MCPH1: variants seen among roughly 807,000 people sequenced by gnomAD.
The protein encoded by MCPH1 is microcephalin 1.
MCPH1 carries 104 observed loss-of-function variants against 84.5 expected under a neutral mutation model. That is an observed-to-expected ratio of 1.23 (90% CI 1.05 to 1.45). The LOEUF is 1.45. MCPH1 is among the 40% of genes most tolerant of loss of function. The pLI is 0.00. For missense variants in MCPH1, 1,498 were observed against 1,005.7 expected (o/e 1.49, Z -6.62); for synonymous variants, 514 against 366.8 (o/e 1.40, Z -4.58).
At chr8:6,446,287 T>A (rs1201971363) in intron 8 of MCPH1, 4 of 985,284 alleles carry the variant, frequency 4.1e-6, no homozygotes, top group Non-Finnish European at 4.8e-6. Context: ...TGAAGAAATC[T>A]TGAACTTTGA....
intron 12 of MCPH1, among the ~76,000 whole-genome samples, chr8:6,539,727 C>T (rs1024849283): frequency 1.3e-5 from 2 of 152,292 alleles, no homozygotes; most frequent in South Asian, 4.2e-4. Flanking sequence ...GCTGGGGTTA[C>T]AGGCGCACAC....
chr8:6,475,146 A>G (rs1585989204), intron 9 of MCPH1, among the ~76,000 whole-genome samples: 1 of 151,890 alleles, frequency 6.6e-6, no homozygotes, highest in South Asian at 2.1e-4. Context: ...AGACCATCTC[A>G]TGATGGTTAT....
chr8:6,510,625 G>C (rs1055656053), intron 12 of MCPH1, among the ~76,000 whole-genome samples: 2 of 152,192 alleles, frequency 1.3e-5, no homozygotes, highest in African/African-American at 4.8e-5. Context: ...GAGGTTCAGA[G>C]ATATAAACTT....
At chr8:6,562,766 A>G in intron 12 of MCPH1, 1 of 1,613,814 alleles carries the variant, frequency 6.2e-7, no homozygotes, top group Non-Finnish European at 8.5e-7. Context: ...TAGGGGCTGG[A>G]GGAAGAGCGG....
At chr8:6,465,924 GATCCATCCATCCATCCATCCATGC>G (rs1806842825) in intron 9 of MCPH1, among the ~76,000 whole-genome samples, 3 of 148,352 alleles carry the variant, frequency 2.0e-5, no homozygotes, top group South Asian at 4.3e-4. Context: ...TTTATCTATC[GATCCATCCATCCATCCATCCATGC>G]ATCCATCCAT....
In MCPH1 at chr8:6,499,099, T is replaced by TAAAA. The variant is rs72234405; in HGVS notation, c.2137-752_2137-749dup. Among the ~76,000 whole-genome samples the TAAAA allele has an allele frequency of 8.8e-4, 127 of 145,056 alleles. 1 individual carries two copies. The East Asian group carries it at 0.022, about 25-fold the overall frequency. ...ATAAATAAATAAATAAATAAATAAA[T>TAAAA]AAAATAAACATGAATTGTATAATCC... On this transcript the variant is annotated intron_variant, in intron 11 of 13. Coordinates refer to ENST00000344683, the MANE Select transcript of MCPH1 (RefSeq NM_024596.5).
intron 11 of MCPH1, among the ~76,000 whole-genome samples, chr8:6,491,359 G>T (rs1029350948): frequency 6.8e-6 from 1 of 146,240 alleles, no homozygotes; most frequent in Admixed American, 6.8e-5. Context: ...AACAGAAGTA[G>T]AGTCTATGGT....
chr8:6,598,871 A>C (rs1197007331), intron 12 of MCPH1, among the ~76,000 whole-genome samples: 1 of 152,250 alleles, frequency 6.6e-6, no homozygotes, highest in African/African-American at 2.4e-5. Flanking sequence ...GCAGAATGTA[A>C]CTTTCCAAAA....
intron 3 of MCPH1, among the ~76,000 whole-genome samples, chr8:6,416,275 TATGTCATGTCATGTCATGTC>T (rs58125557): frequency 2.0e-5 from 3 of 151,608 alleles, no homozygotes; most frequent in South Asian, 2.1e-4. Flanking sequence ...GGCCGCATGT[TATGTCATGTCATGTCATGTC>T]ATGTCATGTC....
chr8:6,521,062 A>G (rs1817242394), intron 12 of MCPH1: 2 of 695,508 alleles, frequency 2.9e-6, no homozygotes, highest in Non-Finnish European at 4.7e-6. Flanking sequence ...TAGATATTTC[A>G]TATGAAATAT....
chr8:6,479,269 A>T (rs1379412476), intron 10 of MCPH1, among the ~76,000 whole-genome samples: 3 of 151,816 alleles, frequency 2.0e-5, no homozygotes, highest in African/African-American at 7.3e-5. Context: ...CCTGTCTCAA[A>T]ACAATAAAAT....
chr8:6,562,146 G>A (rs1443647145), intron 12 of MCPH1, among the ~76,000 whole-genome samples: 1 of 152,124 alleles, frequency 6.6e-6, no homozygotes, highest in East Asian at 1.9e-4. Flanking sequence ...ACCTATTTTA[G>A]TAAATAAATT....
At chr8:6,437,111 T>C (rs370734318) in intron 5 of MCPH1, among the ~76,000 whole-genome samples, 2 of 152,228 alleles carry the variant, frequency 1.3e-5, no homozygotes, top group African/African-American at 4.8e-5. Context: ...TTATGGTCAC[T>C]AGAAATTCCT....
rs757828573 is a variant in MCPH1, at chr8:6,442,062, T to G, written c.581-5T>G. ...TCTAATGCAGTGTCTTGGTCCTGTT[T>G]TTAGCTTCCCAAATGATTCAGCAGT... On this transcript the variant is annotated splice_polypyrimidine_tract_variant and splice_region_variant and intron_variant, in intron 6 of 13. Transcript: ENST00000344683. 1 of 1,608,640 alleles carries G rather than the reference T, an allele frequency of 6.2e-7. No individual in the cohort carries two copies. Among genetic ancestry groups the G allele is most frequent in the South Asian group, 1.1e-5 (1 of 90,950 alleles).
chr8:6,617,209 A>G (rs372314107), intron 12 of MCPH1: 17 of 145,154 alleles, frequency 1.2e-4, no homozygotes, highest in African/African-American at 4.2e-4. Flanking sequence ...TAAAATGAAT[A>G]CACTGTTGTT....
At chr8:6,502,557 G>C (rs1464180825) in intron 12 of MCPH1, 1 of 152,208 alleles carries the variant, frequency 6.6e-6, no homozygotes, top group African/African-American at 2.4e-5. Context: ...TGCACTAACT[G>C]TTTTTCCAAA....
chr8:6,512,829 A>T (rs189507134), intron 12 of MCPH1, among the ~76,000 whole-genome samples: 1 of 152,242 alleles, frequency 6.6e-6, no homozygotes, highest in Non-Finnish European at 1.5e-5. Context: ...GTAAACACCC[A>T]GGGAATGCTG....
intron 12 of MCPH1, among the ~76,000 whole-genome samples, chr8:6,507,327 T>G (rs1171967392): frequency 6.6e-6 from 1 of 152,236 alleles, no homozygotes; most frequent in Admixed American, 6.5e-5. Context: ...GGTAACATAT[T>G]AATTTTTGCA....
intron 8 of MCPH1, among the ~76,000 whole-genome samples, chr8:6,454,195 T>G (rs1201695725): frequency 6.6e-6 from 1 of 152,202 alleles, no homozygotes; most frequent in Non-Finnish European, 1.5e-5. Flanking sequence ...CATCTGCATC[T>G]ACATTGTCTA....
Sources: allele counts gnomAD v4.1 joint callset (sites outside exome capture counted in the v4.1 genomes callset), GRCh38; gene constraint gnomAD v4.1.1; transcripts MANE v1.5; gene names NCBI Gene and HGNC (gene_info 2026-07-23, HGNC 2026-07-21).